Variants in XXYLT1 observed in about 807,000 individuals in gnomAD.
The protein encoded by XXYLT1 is xyloside xylosyltransferase 1.
A neutral mutation model predicts 28.9 loss-of-function variants in XXYLT1; 20 were observed. The ratio of observed to expected loss-of-function variants is 0.69; its 90% CI spans 0.49 to 1.00. The LOEUF is 1.00. Among genes scored for constraint, XXYLT1 ranks in the 50% least tolerant of loss-of-function variants. XXYLT1 has a pLI of 0.00. For synonymous variants in XXYLT1, 257 were observed against 253.8 expected (o/e 1.01, Z -0.12); for missense variants, 542 against 560.1 (o/e 0.97, Z 0.33).
rs1435359072 is a variant in XXYLT1, at chr3:195,168,404, T to C, written c.653-11823A>G. Among the ~76,000 whole-genome samples the C allele has an allele frequency of 6.6e-6, 1 of 151,956 alleles. No homozygotes were observed. The highest frequency in any genetic ancestry group is 2.4e-5 in the African/African-American group (1 of 41,158). On this transcript the variant is annotated intron_variant, in intron 2 of 3. Coordinates refer to ENST00000310380, the MANE Select transcript of XXYLT1 (RefSeq NM_152531.5). This position sits in a 1 kb window ranked among gnomAD's most constrained non-coding sequence, Gnocchi z 4.3. ...AATCCCTACTATGTGCCAAGCACTA[T>C]GCTAAATGTGAGGGTTCAGAAATAA...
At chr3:195,140,261 A>C (rs188661118) in intron 3 of XXYLT1, among the ~76,000 whole-genome samples, 14 of 152,350 alleles carry the variant, frequency 9.2e-5, no homozygotes, top group Admixed American at 8.5e-4. Flanking sequence ...GTTAGTTCTC[A>C]AAATTAGCAA....
At position 195,176,821 on chromosome 3, in the gene XXYLT1, T is replaced by A. The variant is rs141865229; in HGVS notation, c.653-20240A>T. Among the ~76,000 whole-genome samples, 1,470 of 152,324 alleles carry A rather than the reference T, an allele frequency of 9.7e-3. 25 individuals carry two copies. Among genetic ancestry groups the A allele is most frequent in the African/African-American group, 0.034 (1,401 of 41,562 alleles). On this transcript the variant is annotated intron_variant, in intron 2 of 3. Coordinates refer to ENST00000310380, the MANE Select transcript of XXYLT1 (RefSeq NM_152531.5). This position sits in a 1 kb window ranked among gnomAD's most constrained non-coding sequence, Gnocchi z 4.9. ...TCACAGTTCCCATGGTAACCCTCCT[T>A]ACCTCACAGAGCACAGGCCCACAGG...
intron 2 of XXYLT1, among the ~76,000 whole-genome samples, chr3:195,226,162 G>A (rs919659061): frequency 6.6e-6 from 1 of 152,122 alleles, no homozygotes. Context: ...TTCCACATAA[G>A]CTGGACCTAT....
intron 3 of XXYLT1, among the ~76,000 whole-genome samples, chr3:195,082,086 G>A (rs1286719412): frequency 6.6e-6 from 1 of 151,978 alleles, no homozygotes; most frequent in Non-Finnish European, 1.5e-5. Context: ...GTTGTTACTT[G>A]CTTTTGTTTC....
chr3:195,253,795 G>A (rs185710626), intron 1 of XXYLT1, among the ~76,000 whole-genome samples: 2 of 152,098 alleles, frequency 1.3e-5, no homozygotes, highest in East Asian at 1.9e-4. Flanking sequence ...CACCGCGCCC[G>A]GCCTGTTCAC....
chr3:195,238,622 A>G (rs1320328642), intron 1 of XXYLT1, among the ~76,000 whole-genome samples: 1 of 152,088 alleles, frequency 6.6e-6, no homozygotes, highest in Non-Finnish European at 1.5e-5. Context: ...CAGGACTGTC[A>G]CCACATGCTT....
chr3:195,253,393 C>T (rs570629061), intron 1 of XXYLT1, among the ~76,000 whole-genome samples: 1 of 152,278 alleles, frequency 6.6e-6, no homozygotes, highest in Admixed American at 6.5e-5. Context: ...TAAGACACAG[C>T]CTTAAGCAAA....
In XXYLT1 at chr3:195,069,624, T is replaced by C. The variant is rs1034841965; in HGVS notation, c.*91A>G. On this transcript the variant is annotated 3_prime_UTR_variant, in exon 4 of 4. Transcript: ENST00000310380. ...ACAGGACTTCCCTGCGGTGTCTCTC[T>C]AGCGGGTCAGACACTGCCCTTGGGT... 197 of 1,490,818 alleles carry C rather than the reference T, an allele frequency of 1.3e-4. No homozygotes were observed. Among genetic ancestry groups the C allele is most frequent in the Non-Finnish European group, 1.6e-4 (184 of 1,118,216 alleles). 92.3% of individuals were successfully genotyped at this position (1,490,818 alleles called of 1,614,324 possible).
At chr3:195,234,663 C>T (rs1724457457) in intron 1 of XXYLT1, among the ~76,000 whole-genome samples, 1 of 152,078 alleles carries the variant, frequency 6.6e-6, no homozygotes, top group South Asian at 2.1e-4. Flanking sequence ...TTTTTCCCTT[C>T]AACACTTTAA....
At position 195,191,171 on chromosome 3, in the gene XXYLT1, T is replaced by C. The variant is rs187467691; in HGVS notation, c.653-34590A>G. 1.3e-3 allele frequency among the ~76,000 whole-genome samples: 205 copies of C among 152,300 alleles called. 1 individual carries two copies. Among genetic ancestry groups the C allele is most frequent in the Middle Eastern group, 3.4e-3 (1 of 294 alleles). On this transcript the variant is annotated intron_variant, in intron 2 of 3. Coordinates refer to ENST00000310380, the MANE Select transcript of XXYLT1 (RefSeq NM_152531.5). The stretch of plus-strand genomic sequence containing the variant: ...TTGAACAATACAACTTTGAACTGTG[T>C]GGATTCACTTAAACATGAATTTTTT...
intron 3 of XXYLT1, among the ~76,000 whole-genome samples, chr3:195,108,798 T>C (rs1429667404): frequency 6.6e-6 from 1 of 152,230 alleles, no homozygotes; most frequent in African/African-American, 2.4e-5. Flanking sequence ...CCATCATATA[T>C]TGACCAAAAT....
chr3:195,109,724 G>A lies in XXYLT1; in HGVS notation c.786-39613C>T, dbSNP rs556891909. ...TGGTGTGTGTGGTGTATGAGTGTGCGTGTGTGTGGTGTATGTGTTCAGGTA... is the reference window on the plus strand; with the variant it reads ...TGGTGTGTGTGGTGTATGAGTGTGCATGTGTGTGGTGTATGTGTTCAGGTA... On this transcript the variant is annotated intron_variant, in intron 3 of 3. Coordinates refer to ENST00000310380, the MANE Select transcript of XXYLT1 (RefSeq NM_152531.5). Among the ~76,000 whole-genome samples, 15 of 100,672 alleles carry A rather than the reference G, an allele frequency of 1.5e-4. 1 individual carries two copies. Among genetic ancestry groups the A allele is most frequent in the African/African-American group, 5.1e-4 (15 of 29,540 alleles). The allele number at this position is 100,672 out of a possible 152,430, so 66.0% of individuals were successfully genotyped here. A position where few individuals can be genotyped will look rare whatever the true frequency, so the allele number is the denominator to read the frequency against.
At chr3:195,235,156 A>G (rs2108814436) in intron 1 of XXYLT1, among the ~76,000 whole-genome samples, 1 of 152,004 alleles carries the variant, frequency 6.6e-6, no homozygotes, top group African/African-American at 2.4e-5. Context: ...TCCAGGCTGG[A>G]GTGCAGTGGG....
At position 195,088,506 on chromosome 3, in the gene XXYLT1, C is replaced by T. The variant is rs796459911; in HGVS notation, c.786-18395G>A. Among the ~76,000 whole-genome samples the T allele has an allele frequency of 1.4e-4, 19 of 134,958 alleles. 1 individual carries two copies. In the East Asian group the frequency reaches 2.8e-3, roughly 20 times the overall value. 88.5% of individuals were successfully genotyped at this position (134,958 alleles called of 152,430 possible). The stretch of plus-strand genomic sequence containing the variant: ...AAAACTAACAAACAGAAAGGACATC[C>T]ACACCAAAAACCCATCTGTACATCA... On this transcript the variant is annotated intron_variant, in intron 3 of 3. Transcript: ENST00000310380.
At chr3:195,174,923 C>A (rs955106129) in intron 2 of XXYLT1, among the ~76,000 whole-genome samples, 10 of 152,040 alleles carry the variant, frequency 6.6e-5, no homozygotes, top group Non-Finnish European at 1.2e-4. Flanking sequence ...CACAGTTGTA[C>A]ATCTGTTTGT....
At chr3:195,230,389 T>A (rs1258339332) in intron 1 of XXYLT1, among the ~76,000 whole-genome samples, 1 of 152,234 alleles carries the variant, frequency 6.6e-6, no homozygotes, top group African/African-American at 2.4e-5. Context: ...TTCAACTGGA[T>A]GTGATCCCAT....
intron 3 of XXYLT1, among the ~76,000 whole-genome samples, chr3:195,112,190 G>C (rs1467524539): frequency 1.3e-5 from 2 of 152,190 alleles, no homozygotes; most frequent in African/African-American, 4.8e-5. Context: ...GAGGCTTGCT[G>C]ACATCTCAGC....
At chr3:195,110,331 GT>G (rs879042834) in intron 3 of XXYLT1, among the ~76,000 whole-genome samples, 15,171 of 18,966 alleles carry the variant, frequency 0.8, 5,789 homozygotes, top group East Asian at 0.9. Flanking sequence ...AGGGTGAGGT[GT>G]GTGTATGTGT....
rs371114416 is a variant in XXYLT1 at position 195,132,066 on chromosome 3, T to A, written c.785+24383A>T. Among the ~76,000 whole-genome samples, 28 of 151,970 alleles carry A rather than the reference T, an allele frequency of 1.8e-4. 1 individual carries two copies. In the East Asian group the frequency reaches 2.3e-3, roughly 13 times the overall value. On this transcript the variant is annotated intron_variant, in intron 3 of 3. Coordinates refer to ENST00000310380, the MANE Select transcript of XXYLT1 (RefSeq NM_152531.5). ...TAAGGAACTAAGGAACCCAGTGGGG[T>A]CCCTCAGTGCCAGCCTGCAATACCC... is the stretch of plus-strand genomic sequence containing the variant.
Sources: allele counts gnomAD v4.1 joint callset (sites outside exome capture counted in the v4.1 genomes callset), GRCh38; gene constraint gnomAD v4.1.1; non-coding constraint Gnocchi (gnomAD v3.1); transcripts MANE v1.5; gene names NCBI Gene and HGNC (gene_info 2026-07-23, HGNC 2026-07-21).